Variants in PRELID2 observed in about 807,000 individuals in gnomAD.
The protein encoded by PRELID2 is PRELI domain-containing protein 2.
PRELID2 carries 25 observed loss-of-function variants against 28.4 expected under a neutral mutation model. The observed-to-expected ratio is 0.88, with a 90% CI of 0.64 to 1.23. PRELID2 has a LOEUF of 1.23. Among genes scored for constraint, PRELID2 ranks in the 50% most tolerant of loss-of-function variants. The probability of loss-of-function intolerance (pLI) is 0.00; values close to 1 mark genes in which losing one functional copy is unlikely to be tolerated. For missense variants in PRELID2, 201 were observed against 214.4 expected, an observed-to-expected ratio of 0.94 and a Z score of 0.39; for synonymous variants, 76 against 71.6, an observed-to-expected ratio of 1.06 and a Z score of -0.31.
chr5:145,464,020 G>T, the PRELID2 span, among the ~76,000 whole-genome samples: 2 of 152,074 alleles, frequency 1.3e-5, no homozygotes, highest in Admixed American at 1.3e-4. Context: ...TTTACTTTAG[G>T]CTCTGTGGTC....
At chr5:145,352,859 G>A in the PRELID2 span, among the ~76,000 whole-genome samples, 6 of 152,116 alleles carry the variant, frequency 3.9e-5, no homozygotes, top group Non-Finnish European at 4.4e-5. Flanking sequence ...CTTTGCTAAA[G>A]CATAACAAGA....
intron 1 of PRELID2, among the ~76,000 whole-genome samples, chr5:145,524,470 C>A (rs1313582016): frequency 1.3e-5 from 2 of 152,178 alleles, no homozygotes; most frequent in South Asian, 2.1e-4. Flanking sequence ...AAGAGTGAAA[C>A]TAACTCGAGA....
chr5:145,416,254 A>G, the PRELID2 span, among the ~76,000 whole-genome samples: 1 of 152,104 alleles, frequency 6.6e-6, no homozygotes, highest in Admixed American at 6.6e-5. Context: ...TACACCTTAT[A>G]CAAAAATTAA....
At chr5:145,795,043 A>T (rs996388060) in intron 5 of PRELID2, 7 of 152,114 alleles carry the variant, frequency 4.6e-5, no homozygotes, top group Admixed American at 1.3e-4. Context: ...CCCTCAAAAA[A>T]ATCCCATTCT....
chr5:145,649,115 T>TA (rs1754244756), intron 1 of PRELID2, among the ~76,000 whole-genome samples: 1 of 151,944 alleles, frequency 6.6e-6, no homozygotes, highest in Non-Finnish European at 1.5e-5. Context: ...AAGGCAAAAA[T>TA]AAAAAATAAT....
intron 1 of PRELID2, among the ~76,000 whole-genome samples, chr5:145,628,264 T>C (rs1238746200): frequency 6.6e-6 from 1 of 151,776 alleles, no homozygotes; most frequent in Admixed American, 6.6e-5. Context: ...CAAGAAGAAA[T>C]GTGTTTTCAT....
the PRELID2 span, among the ~76,000 whole-genome samples, chr5:145,466,206 C>T: frequency 6.6e-6 from 1 of 152,068 alleles, no homozygotes; most frequent in Non-Finnish European, 1.5e-5. Context: ...TAAAAAGATA[C>T]TCTCCATAGG....
Position 145,796,453 on chromosome 5 carries a change from C to T in PRELID2, c.463G>A (p.Gly155Arg), listed in dbSNP as rs1425726246. ...ETFASTFLRQ[G>R]AQKGIRIMEM... ...AGAAATATGGTTACCTTCTGGGCTC[C>T]CTGTCGTAAGAATGTGCTGGCAAAA... is the stretch of plus-strand genomic sequence containing the variant. Residue 155 changes from glycine (G) to arginine (R), a missense_variant, in exon 5 of 7, where the codon GGA (glycine) becomes AGA (arginine). Physicochemically the swap from Gly to Arg is moderately radical, Grantham distance 125. Transcript: ENST00000683046. 2.5e-6 allele frequency: 4 copies of T among 1,607,004 alleles called. No individual in the cohort carries two copies. In the African/African-American group the frequency reaches 4.0e-5, roughly 16 times the overall value.
chr5:145,635,832 T>A (rs1205500182), intron 1 of PRELID2, among the ~76,000 whole-genome samples: 1 of 152,218 alleles, frequency 6.6e-6, no homozygotes, highest in Non-Finnish European at 1.5e-5. Flanking sequence ...AGAGCTTTAC[T>A]CCCTAGGGCA....
chr5:145,784,959 T>C (rs764018231), intron 5 of PRELID2, among the ~76,000 whole-genome samples: 13 of 152,266 alleles, frequency 8.5e-5, no homozygotes, highest in Non-Finnish European at 1.8e-4. Context: ...TTAGTAATTT[T>C]ATAATTCAAG....
At chr5:145,359,988 G>T in the PRELID2 span, among the ~76,000 whole-genome samples, 5 of 152,316 alleles carry the variant, frequency 3.3e-5, no homozygotes, top group African/African-American at 1.2e-4. Context: ...ATTCCTGAGG[G>T]AATGGCTACA....
chr5:145,468,716 C>A (rs1282803429), downstream of PRELID2, among the ~76,000 whole-genome samples: 1 of 152,142 alleles, frequency 6.6e-6, no homozygotes, highest in Non-Finnish European at 1.5e-5. Flanking sequence ...TAAATATCTT[C>A]TTTTGAGAAG....
At chr5:145,282,527 T>C in the PRELID2 span, among the ~76,000 whole-genome samples, 3 of 152,088 alleles carry the variant, frequency 2.0e-5, no homozygotes, top group East Asian at 5.8e-4. Flanking sequence ...TTTTTTTTTT[T>C]TTTCTTTTTT....
intron 1 of PRELID2, among the ~76,000 whole-genome samples, chr5:145,563,959 G>A (rs1212755274): frequency 6.6e-6 from 1 of 152,140 alleles, no homozygotes; most frequent in Non-Finnish European, 1.5e-5. Flanking sequence ...AGAAGAGATG[G>A]ATATATTAAT....
At chr5:145,803,525 T>C (rs1327545507) in intron 4 of PRELID2, among the ~76,000 whole-genome samples, 1 of 152,130 alleles carries the variant, frequency 6.6e-6, no homozygotes, top group Admixed American at 6.6e-5. Flanking sequence ...ACCCACGTAG[T>C]AAGTTCCTGA....
chr5:145,278,043 A>T, the PRELID2 span, among the ~76,000 whole-genome samples: 1 of 152,156 alleles, frequency 6.6e-6, no homozygotes, highest in Non-Finnish European at 1.5e-5. Context: ...GACGCTCCAG[A>T]ACCATATATT....
intron 1 of PRELID2, among the ~76,000 whole-genome samples, chr5:145,640,725 T>G (rs951923864): frequency 6.6e-6 from 1 of 151,708 alleles, no homozygotes; most frequent in African/African-American, 2.4e-5. Flanking sequence ...CAAGACAGCT[T>G]TGAAGTACAA....
the PRELID2 span, among the ~76,000 whole-genome samples, chr5:145,390,641 C>T: frequency 4.5e-4 from 69 of 152,228 alleles, 1 homozygote; most frequent in African/African-American, 1.4e-3. Flanking sequence ...CATTCTGCCC[C>T]GGCCCCTCTC....
intron 1 of PRELID2, among the ~76,000 whole-genome samples, chr5:145,740,970 T>TTA (rs1756697125): frequency 1.1e-5 from 1 of 91,350 alleles, no homozygotes; most frequent in Admixed American, 1.5e-4. Flanking sequence ...AAAGTATATA[T>TTA]TATATATTTG....
Sources: gnomAD v4.1 joint callset for allele counts (sites outside exome capture counted in the v4.1 genomes callset) on GRCh38, gnomAD v4.1.1 for gene constraint, MANE v1.5 for transcripts, NCBI Gene and HGNC (gene_info 2026-07-23, HGNC 2026-07-21) for gene names.